Variants in KIAA0753 observed in about 807,000 individuals in gnomAD.
KIAA0753 encodes the protein KIAA0753.
A neutral mutation model predicts 116.9 loss-of-function variants in KIAA0753; 114 were observed. The ratio of observed to expected loss-of-function variants is 0.98; its 90% CI spans 0.84 to 1.14. KIAA0753 has a LOEUF of 1.14. Ranked by LOEUF, KIAA0753 falls within the 50% of genes most tolerant of loss-of-function variation. KIAA0753 has a pLI of 0.00. For missense variants in KIAA0753, 1,156 were observed against 1,172.4 expected, an observed-to-expected ratio of 0.99 and a Z score of 0.20; for synonymous variants, 405 against 413.1, an observed-to-expected ratio of 0.98 and a Z score of 0.24.
In KIAA0753 at chr17:6,615,745, A is replaced by G. The variant is rs542511365; in HGVS notation, c.1316-3597T>C. On this transcript the variant is annotated intron_variant, in intron 7 of 18. Coordinates refer to ENST00000361413, the MANE Select transcript of KIAA0753 (RefSeq NM_014804.3). ...CCTTTCTAGTAATGATTTGCATAAAACAGCATGTTTCAGGAGTGAGTTTGA... is the reference window on the plus strand; with the variant it reads ...CCTTTCTAGTAATGATTTGCATAAAGCAGCATGTTTCAGGAGTGAGTTTGA... 5.9e-5 allele frequency among the ~76,000 whole-genome samples: 9 copies of G among 152,268 alleles called. No homozygotes were observed. In the South Asian group the frequency reaches 1.9e-3, roughly 32 times the overall value.
chr17:6,595,702 T>A (rs1206844889), intron 15 of KIAA0753, among the ~76,000 whole-genome samples: 1 of 152,154 alleles, frequency 6.6e-6, no homozygotes, highest in Non-Finnish European at 1.5e-5. Context: ...AATCCAGGGG[T>A]TAGGCTGGGT....
intron 18 of KIAA0753, 123 bp downstream of exon 18, chr17:6,589,656 A>T: frequency 1.5e-6 from 1 of 649,690 alleles, no homozygotes; most frequent in Non-Finnish European, 2.5e-6. Context: ...AAGAACAACC[A>T]CTGAAACTCC....
chr17:6,608,739 A>G (rs542513925), intron 9 of KIAA0753, among the ~76,000 whole-genome samples: 1 of 152,344 alleles, frequency 6.6e-6, no homozygotes, highest in South Asian at 2.1e-4. Flanking sequence ...GAGTGTCAAC[A>G]AAACTCTGTC....
chr17:6,627,624 C>T (rs576286763), intron 3 of KIAA0753, among the ~76,000 whole-genome samples: 50 of 152,194 alleles, frequency 3.3e-4, no homozygotes, highest in Non-Finnish European at 6.0e-4. Flanking sequence ...TCCTTCCTAC[C>T]CTGTGCTCAC....
intron 7 of KIAA0753, among the ~76,000 whole-genome samples, chr17:6,613,243 C>T (rs1970671273): frequency 6.6e-6 from 1 of 152,002 alleles, no homozygotes; most frequent in Non-Finnish European, 1.5e-5. Context: ...GAAAGAAGTA[C>T]AAGGCTTTTA....
chr17:6,613,495 T>C (rs978544280), intron 7 of KIAA0753, among the ~76,000 whole-genome samples: 1 of 152,072 alleles, frequency 6.6e-6, no homozygotes, highest in Non-Finnish European at 1.5e-5. Context: ...GGGGAGTGGA[T>C]GGAGGCAGGA....
intron 4 of KIAA0753, 109 bp from the exon 5 acceptor site, chr17:6,623,680 T>C: frequency 7.1e-7 from 1 of 1,402,308 alleles, no homozygotes; most frequent in Middle Eastern, 2.2e-4. Context: ...CCATTATTAA[T>C]TCAAGTCACT....
intron 18 of KIAA0753, among the ~76,000 whole-genome samples, chr17:6,580,885 C>T (rs986225351): frequency 2.9e-5 from 4 of 135,954 alleles, no homozygotes; most frequent in South Asian, 2.5e-4. Flanking sequence ...GGACTCTGCA[C>T]GGGTGCTCCT....
At chr17:6,589,176 TTTGGG>T (rs1567537250) in intron 18 of KIAA0753, among the ~76,000 whole-genome samples, 2 of 152,150 alleles carry the variant, frequency 1.3e-5, no homozygotes, top group African/African-American at 4.8e-5. Context: ...TGGTGGGGCC[TTTGGG>T]AGATAATTAG....
chr17:6,594,907 A>T lies in KIAA0753; in HGVS notation c.2440+65T>A, dbSNP rs925602760. 7 of 1,305,966 alleles carry T rather than the reference A, an allele frequency of 5.4e-6. No homozygotes were observed. In the Admixed American group the frequency reaches 5.8e-5, roughly 11 times the overall value. The allele number at this position is 1,305,966 out of a possible 1,614,324, so 80.9% of individuals were successfully genotyped here. On this transcript the variant is annotated intron_variant, in intron 16 of 18. Coordinates refer to ENST00000361413, the MANE Select transcript of KIAA0753 (RefSeq NM_014804.3). ...CAGTGTTTACTATACAATTTTTTCAATTTTCTGTATGTTTGAAATTCTTCA... is the reference window on the plus strand; with the variant it reads ...CAGTGTTTACTATACAATTTTTTCATTTTTCTGTATGTTTGAAATTCTTCA...
intron 18 of KIAA0753, among the ~76,000 whole-genome samples, chr17:6,584,238 C>A (rs1467667092): frequency 6.6e-6 from 1 of 152,206 alleles, no homozygotes; most frequent in Non-Finnish European, 1.5e-5. Flanking sequence ...CAGTGCTCAA[C>A]AAAGGGCTAA....
intron 18 of KIAA0753, among the ~76,000 whole-genome samples, chr17:6,583,225 T>C (rs932946678): frequency 6.6e-6 from 1 of 152,254 alleles, no homozygotes; most frequent in African/African-American, 2.4e-5. Flanking sequence ...TTTTAAAAGA[T>C]GCCAGGTCTT....
intron 2 of KIAA0753, chr17:6,634,674 TA>T: frequency 5.3e-6 from 1 of 187,726 alleles, no homozygotes; most frequent in East Asian, 1.2e-4. Flanking sequence ...GACAACTGAG[TA>T]AAGCTGAATA....
intron 8 of KIAA0753, among the ~76,000 whole-genome samples, chr17:6,610,589 T>C (rs1970476788): frequency 7.0e-6 from 1 of 143,560 alleles, no homozygotes; most frequent in African/African-American, 2.6e-5. Context: ...GGTATGATCA[T>C]AGCTCACTGC....
At chr17:6,626,716 G>A (rs886361058) in intron 3 of KIAA0753, among the ~76,000 whole-genome samples, 1 of 152,204 alleles carries the variant, frequency 6.6e-6, no homozygotes, top group Non-Finnish European at 1.5e-5. Flanking sequence ...ATATGTTTAC[G>A]TGTTTCCATA....
intron 7 of KIAA0753, among the ~76,000 whole-genome samples, chr17:6,618,997 G>A (rs1026231936): frequency 3.9e-5 from 6 of 152,176 alleles, no homozygotes; most frequent in African/African-American, 1.4e-4. Flanking sequence ...GGAAGGCTAA[G>A]ACAGGTGGAT....
intron 7 of KIAA0753, among the ~76,000 whole-genome samples, chr17:6,614,274 C>T (rs189115782): frequency 6.6e-6 from 1 of 152,242 alleles, no homozygotes; most frequent in Non-Finnish European, 1.5e-5. Flanking sequence ...TATACTCAGG[C>T]TAGAGGAACT....
At chr17:6,620,764 C>T in intron 7 of KIAA0753, 24 bp downstream of exon 7, 1 of 1,604,684 alleles carries the variant, frequency 6.2e-7, no homozygotes. Flanking sequence ...AAATGTCTTA[C>T]AATAAACACT....
At chr17:6,624,619 T>C (rs1034418692) in intron 4 of KIAA0753, 136 bp downstream of exon 4, 3 of 603,744 alleles carry the variant, frequency 5.0e-6, no homozygotes, top group Non-Finnish European at 8.9e-6. Context: ...GTTCAGGTAA[T>C]TGAGCCTCAC....
Sources: allele counts gnomAD v4.1 joint callset (sites outside exome capture counted in the v4.1 genomes callset), GRCh38; gene constraint gnomAD v4.1.1; transcripts MANE v1.5; gene names NCBI Gene and HGNC (gene_info 2026-07-23, HGNC 2026-07-21).